Variants in DOCK1 observed in about 807,000 individuals in gnomAD.
DOCK1 encodes dedicator of cytokinesis protein 1.
Under a neutral mutation model 262.7 loss-of-function variants are expected in DOCK1, and 138 were observed. The observed-to-expected ratio is 0.53, with a 90% confidence interval of 0.46 to 0.61. The LOEUF (loss-of-function observed/expected upper bound fraction) is 0.61. DOCK1 is among the 20% of genes least tolerant of loss of function. DOCK1 has a pLI of 0.00. For missense variants in DOCK1, 1,908 were observed against 2,370.7 expected, an observed-to-expected ratio of 0.80 and a Z score of 4.05; for synonymous variants, 866 against 867.4, an observed-to-expected ratio of 1.00 and a Z score of 0.03.
At chr10:127,232,366 C>T (rs146229835) in intron 27 of DOCK1, among the ~76,000 whole-genome samples, 1 of 152,210 alleles carries the variant, frequency 6.6e-6, no homozygotes, top group Non-Finnish European at 1.5e-5. Flanking sequence ...GTTTTCCATA[C>T]AGCAAATTCC....
chr10:127,001,984 A>T (rs1283383581), intron 10 of DOCK1, among the ~76,000 whole-genome samples: 1 of 152,182 alleles, frequency 6.6e-6, no homozygotes, highest in Non-Finnish European at 1.5e-5. Context: ...CAGCCTCCTG[A>T]GTAACTGGGA....
At chr10:127,423,962 A>G (rs139716750) in intron 46 of DOCK1, among the ~76,000 whole-genome samples, 80 of 152,194 alleles carry the variant, frequency 5.3e-4, no homozygotes, top group Non-Finnish European at 1.0e-3. Context: ...ATCTGCCTAC[A>G]GCAAATCAGG....
At chr10:126,992,898 T>C (rs1300652829) in intron 6 of DOCK1, among the ~76,000 whole-genome samples, 1 of 150,986 alleles carries the variant, frequency 6.6e-6, no homozygotes, top group African/African-American at 2.4e-5. Flanking sequence ...ATTGCCTTGC[T>C]GTGATAAGTT....
intron 38 of DOCK1, among the ~76,000 whole-genome samples, chr10:127,396,429 T>C (rs1376433369): frequency 6.6e-6 from 1 of 152,222 alleles, no homozygotes; most frequent in Non-Finnish European, 1.5e-5. Context: ...ATTATTGCTC[T>C]CACCTTTAAG....
chr10:127,417,413 CCCTGAGAGACACGCACT>C (rs1179770242), intron 44 of DOCK1, among the ~76,000 whole-genome samples: 3 of 151,978 alleles, frequency 2.0e-5, no homozygotes, highest in Non-Finnish European at 4.4e-5. Context: ...GGGTGGAGGT[CCCTGAGAGACACGCACT>C]GGAGCCAGGA....
chr10:127,258,970 G>T (rs2059919660), intron 29 of DOCK1, among the ~76,000 whole-genome samples: 1 of 152,154 alleles, frequency 6.6e-6, no homozygotes, highest in Non-Finnish European at 1.5e-5. Context: ...TGCTTTCTGG[G>T]GCAGCAGAGA....
In DOCK1 at chr10:127,023,235, C is replaced by T. The variant is rs747473475; in HGVS notation, c.1363C>T (p.Gln455Ter). The T allele has an allele frequency of 4.3e-6, 7 of 1,613,830 alleles. No homozygotes were observed. The change falls in exon 14 of 52, where the codon CAA becomes TAA. Residue 455 changes from glutamine (Q) to a stop codon, truncating the protein, a stop_gained. Transcript: ENST00000623213. LOFTEE classifies it high-confidence loss of function. ...VRNDIYVTLV[Q>*]GDFDKGSKTT... ...AAATGATATCTATGTAACATTAGTTCAAGGAGATTTTGATAAAGGAAGCAA... is the reference window on the plus strand; with the variant it reads ...AAATGATATCTATGTAACATTAGTTTAAGGAGATTTTGATAAAGGAAGCAA...
At chr10:127,450,887 C>T (rs2070916593) in intron 51 of DOCK1, among the ~76,000 whole-genome samples, 1 of 152,026 alleles carries the variant, frequency 6.6e-6, no homozygotes, top group South Asian at 2.1e-4. Context: ...TGTGGCCTGC[C>T]AAAAAGCTGG....
intron 23 of DOCK1, among the ~76,000 whole-genome samples, chr10:127,071,507 T>C (rs1470253481): frequency 6.6e-6 from 1 of 152,210 alleles, no homozygotes; most frequent in African/African-American, 2.4e-5. Flanking sequence ...AAACCAAGTA[T>C]TTCTATTGGT....
intron 23 of DOCK1, among the ~76,000 whole-genome samples, chr10:127,074,044 A>C (rs911474528): frequency 6.6e-6 from 1 of 152,232 alleles, no homozygotes; most frequent in African/African-American, 2.4e-5. Context: ...GTCAACTACC[A>C]CTATAGCATT....
chr10:127,164,837 C>T (rs1332671108), intron 27 of DOCK1, among the ~76,000 whole-genome samples: 3 of 152,108 alleles, frequency 2.0e-5, no homozygotes, highest in African/African-American at 7.2e-5. Flanking sequence ...TTCATGCAGT[C>T]AGGGAAATAC....
chr10:127,270,984 G>A (rs1328003549), intron 29 of DOCK1, among the ~76,000 whole-genome samples: 3 of 93,122 alleles, frequency 3.2e-5, no homozygotes. Flanking sequence ...CTTAACAAAA[G>A]TTATATATGT....
At chr10:126,912,508 C>T (rs890694644) in intron 1 of DOCK1, among the ~76,000 whole-genome samples, 1 of 151,060 alleles carries the variant, frequency 6.6e-6, no homozygotes, top group Admixed American at 6.6e-5. Context: ...GGGGAGATCA[C>T]GAGGTCAGTA....
chr10:127,256,491 G>A (rs954665740), intron 28 of DOCK1, among the ~76,000 whole-genome samples: 1 of 152,142 alleles, frequency 6.6e-6, no homozygotes, highest in Non-Finnish European at 1.5e-5. Flanking sequence ...CTTGAGTGTT[G>A]AGTGAGCTTG....
intron 42 of DOCK1, 132 bp from the exon 43 acceptor site, chr10:127,410,708 C>A: frequency 1.4e-6 from 1 of 722,638 alleles, no homozygotes; most frequent in South Asian, 2.3e-5. Context: ...GACACCAAGG[C>A]GATGGCTTCA....
chr10:127,078,945 C>T (rs2046736581), intron 23 of DOCK1, among the ~76,000 whole-genome samples: 2 of 152,300 alleles, frequency 1.3e-5, no homozygotes, highest in South Asian at 4.2e-4. Context: ...TTTGTCTTCT[C>T]CAATCTGACC....
At chr10:127,326,634 C>T (rs1443584183) in intron 29 of DOCK1, among the ~76,000 whole-genome samples, 1 of 152,222 alleles carries the variant, frequency 6.6e-6, no homozygotes, top group African/African-American at 2.4e-5. Context: ...TTCTTCCAAA[C>T]TCCAGTTAAT....
At chr10:126,940,944 G>C (rs1001094293) in intron 1 of DOCK1, among the ~76,000 whole-genome samples, 11 of 152,064 alleles carry the variant, frequency 7.2e-5, no homozygotes, top group Non-Finnish European at 7.3e-5. Flanking sequence ...ATGATTCTTC[G>C]GAGGATGATT....
Position 127,147,904 on chromosome 10 carries a change from G to A in DOCK1, c.2847+20140G>A, listed in dbSNP as rs139892454. Among the ~76,000 whole-genome samples, 326 of 151,686 alleles carry A rather than the reference G, an allele frequency of 2.1e-3. 1 individual carries two copies. Among genetic ancestry groups the A allele is most frequent in the African/African-American group, 6.8e-3 (282 of 41,390 alleles). On this transcript the variant is annotated intron_variant, in intron 27 of 51. Coordinates refer to ENST00000623213, the MANE Select transcript of DOCK1 (RefSeq NM_001290223.2). ...AAATTAGCCAGGATTGGCGGTGCGC[G>A]CACGTAGTCCCAGCTACTCGGGAGG...
Sources: gnomAD v4.1 joint callset for allele counts (sites outside exome capture counted in the v4.1 genomes callset) on GRCh38, gnomAD v4.1.1 for gene constraint, MANE v1.5 for transcripts, NCBI Gene and HGNC (gene_info 2026-07-23, HGNC 2026-07-21) for gene names.